Variants in IRAK3 observed in about 807,000 individuals in gnomAD.
IRAK3 encodes the protein interleukin 1 receptor associated kinase 3.
In IRAK3, 57 loss-of-function variants were observed where a neutral mutation model predicts 56.6. The ratio of observed to expected loss-of-function variants is 1.01; its 90% CI spans 0.81 to 1.26. The LOEUF (loss-of-function observed/expected upper bound fraction) is 1.26. Ranked by LOEUF, IRAK3 falls within the 50% of genes most tolerant of loss-of-function variation. The pLI is 0.00. For synonymous variants in IRAK3, 258 were observed against 255.7 expected, an observed-to-expected ratio of 1.01 and a Z score of -0.09; for missense variants, 703 against 719.0, an observed-to-expected ratio of 0.98 and a Z score of 0.25.
At chr12:66,197,969 C>T (rs2052470984) in intron 1 of IRAK3, 4 of 985,286 alleles carry the variant, frequency 4.1e-6, no homozygotes, top group Non-Finnish European at 4.8e-6. Flanking sequence ...GAAAAGCTGA[C>T]ATTCCCTGGG....
At chr12:66,205,214 T>G (rs1353933795) in intron 2 of IRAK3, among the ~76,000 whole-genome samples, 2 of 152,266 alleles carry the variant, frequency 1.3e-5, no homozygotes, top group African/African-American at 2.4e-5. Flanking sequence ...ATTTTCACTC[T>G]CTATGTTGTT....
At chr12:66,218,690 T>G (rs1005657033) in intron 6 of IRAK3, among the ~76,000 whole-genome samples, 1 of 152,208 alleles carries the variant, frequency 6.6e-6, no homozygotes, top group African/African-American at 2.4e-5. Flanking sequence ...TGATTTGATA[T>G]ACAGTATGTA....
Position 66,253,661 on chromosome 12 carries a change from T to C in IRAK3, c.*5490T>C, listed in dbSNP as rs2136960114. On this transcript the variant is annotated 3_prime_UTR_variant, in exon 12 of 12. Transcript: ENST00000261233. ...GCTCTTGAATTTTAAAATATTCTTA[T>C]AGACAAACATTAATTGGAATGGGGG... 1 of 152,318 alleles carries C rather than the reference T, an allele frequency of 6.6e-6. No homozygotes were observed. The highest frequency in any genetic ancestry group is 2.1e-4 in the South Asian group (1 of 4,828). 9.4% of individuals were successfully genotyped at this position (152,318 alleles called of 1,614,324 possible). A position where few individuals can be genotyped will look rare whatever the true frequency, so the allele number is the denominator to read the frequency against.
chr12:66,201,670 A>T (rs1166375870), intron 1 of IRAK3, among the ~76,000 whole-genome samples: 1 of 152,238 alleles, frequency 6.6e-6, no homozygotes, highest in East Asian at 1.9e-4. Context: ...AGGGCACCAT[A>T]AAAACTCATA....
intron 8 of IRAK3, among the ~76,000 whole-genome samples, chr12:66,244,210 G>A (rs2053002994): frequency 6.6e-6 from 1 of 152,218 alleles, no homozygotes; most frequent in Non-Finnish European, 1.5e-5. Context: ...TAGTGAGAAA[G>A]CATCAGCTTT....
At chr12:66,215,324 G>T (rs1337961689) in intron 5 of IRAK3, among the ~76,000 whole-genome samples, 2 of 152,100 alleles carry the variant, frequency 1.3e-5, no homozygotes, top group African/African-American at 4.8e-5. Context: ...TTCTTTCCAT[G>T]AGTCTGAATG....
chr12:66,232,273 G>A (rs576500723), intron 8 of IRAK3, among the ~76,000 whole-genome samples: 3 of 152,330 alleles, frequency 2.0e-5, no homozygotes, highest in African/African-American at 4.8e-5. Flanking sequence ...GCATGTGTCA[G>A]GGTATGGAGA....
chr12:66,233,459 A>G (rs1047019112), intron 8 of IRAK3, among the ~76,000 whole-genome samples: 5 of 151,250 alleles, frequency 3.3e-5, no homozygotes, highest in African/African-American at 9.7e-5. Flanking sequence ...CGGAGCTTGC[A>G]GTGAGCCGAG....
rs147846659 is a variant in IRAK3 at position 66,245,178 on chromosome 12, C to A, written c.1230C>A (p.Cys410Ter). Residue 410 changes from cysteine to a stop codon, truncating the protein, a stop_gained, in exon 11 of 12, where the codon TGC (cysteine) becomes TGA (stop). Coordinates refer to ENST00000261233, the MANE Select transcript of IRAK3 (RefSeq NM_007199.3). LOFTEE classifies it high-confidence loss of function. ...LSFLDKKVPP[C>*]PRNFSAKLFC... ...TTCTAGATAAGAAAGTGCCTCCCTGCCCTCGGAATTTCTCTGCCAAGCTCT... is the reference window on the plus strand; with the variant it reads ...TTCTAGATAAGAAAGTGCCTCCCTGACCTCGGAATTTCTCTGCCAAGCTCT... 1 of 1,614,144 alleles carries A rather than the reference C, an allele frequency of 6.2e-7. No homozygotes were observed. The highest frequency in any genetic ancestry group is 8.5e-7 in the Non-Finnish European group (1 of 1,180,018).
chr12:66,239,089 T>A (rs2052937018), intron 8 of IRAK3, among the ~76,000 whole-genome samples: 2 of 152,350 alleles, frequency 1.3e-5, no homozygotes, highest in South Asian at 4.1e-4. Context: ...AAATGCATTT[T>A]ATCCTTAGCA....
chr12:66,197,791 G>C, intron 1 of IRAK3: 1 of 985,296 alleles, frequency 1.0e-6, no homozygotes, highest in Non-Finnish European at 1.2e-6. Flanking sequence ...TCATATTCCA[G>C]CTGAATCTCA....
intron 8 of IRAK3, among the ~76,000 whole-genome samples, chr12:66,236,131 AG>A (rs1171279719): frequency 6.6e-6 from 1 of 152,252 alleles, no homozygotes; most frequent in African/African-American, 2.4e-5. Flanking sequence ...ATCATTATTC[AG>A]CAGCCTGGTG....
At chr12:66,206,806 T>A (rs918278141) in intron 2 of IRAK3, among the ~76,000 whole-genome samples, 1 of 152,256 alleles carries the variant, frequency 6.6e-6, no homozygotes, top group Admixed American at 6.5e-5. Context: ...CTTTAAATGT[T>A]TGGTAGAATT....
chr12:66,215,800 A>G (rs1450558762), intron 5 of IRAK3, among the ~76,000 whole-genome samples: 1,174 of 57,184 alleles, frequency 0.021, 31 homozygotes, highest in African/African-American at 0.064. Flanking sequence ...ACACACACAC[A>G]CACACACACA....
At chr12:66,212,711 G>T (rs2052624566) in intron 5 of IRAK3, among the ~76,000 whole-genome samples, 1 of 152,168 alleles carries the variant, frequency 6.6e-6, no homozygotes, top group Non-Finnish European at 1.5e-5. Flanking sequence ...AAAAGAATGA[G>T]TTCATGTCCT....
At position 66,247,877 on chromosome 12, in the gene IRAK3, C is replaced by T; in HGVS notation, c.1497C>T (p.Asp499=). 6.2e-7 allele frequency: 1 copy of T among 1,614,148 alleles called. No homozygotes were observed. Among genetic ancestry groups the T allele is most frequent in the Non-Finnish European group, 8.5e-7 (1 of 1,180,008 alleles). The change falls in exon 12 of 12, where the codon GAC becomes GAT. Residue 499 remains aspartate, a synonymous_variant. Coordinates refer to ENST00000261233, the MANE Select transcript of IRAK3 (RefSeq NM_007199.3). ...CTTCTGATGAAGGCCTGAGGATAGA[C>T]AGAATGACTCAGAAAACTCCTTTTG... is the stretch of plus-strand genomic sequence containing the variant. ...LLPSDEGLRI[D]RMTQKTPFEC...
chr12:66,229,297 A>G (rs2052820493), intron 8 of IRAK3, among the ~76,000 whole-genome samples: 1 of 152,214 alleles, frequency 6.6e-6, no homozygotes, highest in Non-Finnish European at 1.5e-5. Flanking sequence ...ATAAAGAATC[A>G]TTCACCCAGA....
intron 5 of IRAK3, among the ~76,000 whole-genome samples, chr12:66,212,319 G>A (rs2052620762): frequency 6.6e-6 from 1 of 152,032 alleles, no homozygotes; most frequent in South Asian, 2.1e-4. Flanking sequence ...GGAGGCTTTC[G>A]AGTAGGAACA....
chr12:66,240,775 G>A (rs552717769), intron 8 of IRAK3, among the ~76,000 whole-genome samples: 1 of 151,176 alleles, frequency 6.6e-6, no homozygotes, highest in African/African-American at 2.4e-5. Context: ...CAGGCACCCA[G>A]GCGCTGGACT....
Sources: allele counts gnomAD v4.1 joint callset (sites outside exome capture counted in the v4.1 genomes callset), GRCh38; gene constraint gnomAD v4.1.1; transcripts MANE v1.5; gene names NCBI Gene and HGNC (gene_info 2026-07-23, HGNC 2026-07-21).